Variants in NAV1 observed in about 807,000 individuals in gnomAD.
NAV1 encodes neuron navigator 1.
Under a neutral mutation model 175.2 loss-of-function variants are expected in NAV1, and 18 were observed. The ratio of observed to expected loss-of-function variants is 0.10; its 90% confidence interval spans 0.07 to 0.15. NAV1 has a LOEUF of 0.15. NAV1 is among the 10% of genes least tolerant of loss of function. The pLI, the probability that NAV1 is intolerant of heterozygous loss-of-function variation, is 1.00. For missense variants in NAV1, 1,731 were observed against 2,436.6 expected (o/e 0.71, Z 6.10); for synonymous variants, 897 against 978.7 (o/e 0.92, Z 1.56).
intron 1 of NAV1, among the ~76,000 whole-genome samples, chr1:201,695,623 C>T (rs143575267): frequency 0.013 from 1,983 of 152,296 alleles, 26 homozygotes; most frequent in Non-Finnish European, 0.015. Context: ...GGGACCAATC[C>T]GAAGGTGCCT....
intron 17 of NAV1, among the ~76,000 whole-genome samples, chr1:201,805,079 G>A (rs1039748435): frequency 2.0e-5 from 3 of 152,142 alleles, no homozygotes; most frequent in Non-Finnish European, 4.4e-5. Flanking sequence ...AGGGATGAGG[G>A]TTTGGTCTTA....
At chr1:201,657,301 A>G in intron 1 of NAV1, among the ~76,000 whole-genome samples, 1 of 152,134 alleles carries the variant, frequency 6.6e-6, no homozygotes, top group East Asian at 1.9e-4. Context: ...CCAGGAAAGC[A>G]CTCATTATTA....
At position 201,771,251 on chromosome 1, in the gene NAV1, A is replaced by AAC. The variant is rs1308684814; in HGVS notation, c.1227-9169_1227-9168insCA. On this transcript the variant is annotated intron_variant, in intron 3 of 29. Coordinates refer to ENST00000367296, the Ensembl canonical transcript of NAV1. Reference sequence around the variant, plus strand: ...GAGACTCCGTCTCAAAAAAAAAAAAAAAAACATCTGGTGATTTGGGAGGCT... The same window carrying AAC: ...GAGACTCCGTCTCAAAAAAAAAAAAAACAAAACATCTGGTGATTTGGGAGGCT... 2.7e-4 allele frequency among the ~76,000 whole-genome samples: 41 copies of AAC among 151,228 alleles called. 1 individual carries two copies. Among genetic ancestry groups the AAC allele is most frequent in the African/African-American group, 9.7e-4 (40 of 41,038 alleles).
intron 1 of NAV1, among the ~76,000 whole-genome samples, chr1:201,664,049 T>G (rs6662716): frequency 1.3e-5 from 2 of 152,112 alleles, no homozygotes; most frequent in African/African-American, 4.8e-5. Flanking sequence ...ATTACTCTAT[T>G]GGGTTCTGGG....
intron 28 of NAV1, 129 bp from the exon 33 acceptor site, chr1:201,816,959 C>A: frequency 1.3e-6 from 1 of 754,138 alleles, no homozygotes; most frequent in Non-Finnish European, 2.1e-6. Context: ...CAGGCATGAG[C>A]CACTGCGCCT....
chr1:201,627,279 C>T (rs965296623), intron 1 of NAV1, among the ~76,000 whole-genome samples: 30 of 146,302 alleles, frequency 2.1e-4, no homozygotes, highest in African/African-American at 6.8e-4. Context: ...TTTTCTTTTT[C>T]TTTTTTTTTT....
chr1:201,757,758 CAG>C (rs1219158278), intron 3 of NAV1, among the ~76,000 whole-genome samples: 32 of 152,334 alleles, frequency 2.1e-4, no homozygotes, highest in African/African-American at 7.5e-4. Context: ...TGTGGGGCAT[CAG>C]AGCACTGACG....
chr1:201,812,584 T>G lies in NAV1; in HGVS notation c.5144T>G (p.Val1715Gly). Residue 1715 changes from valine (V) to glycine (G), a missense_variant, in exon 27 of 30, where the codon GTG becomes GGG. By Grantham distance (109) the Val-to-Gly change is moderately radical. This residue lies in a region of NAV1 where 115 missense variants were observed against 269.4 expected (regional missense o/e 0.43). Transcript: ENST00000367296. The surrounding 1 kb of genome is among the most constrained non-coding windows in gnomAD (Gnocchi z 4.6). ...GCCAACAAGGAAGAGCTGCTTCGGG[T>G]GCTCGACTGGGTACCCAAGCTGTGG... 6.2e-7 allele frequency: 1 copy of G among 1,614,146 alleles called. No homozygotes were observed. Among genetic ancestry groups the G allele is most frequent in the Non-Finnish European group, 8.5e-7 (1 of 1,180,024 alleles).
At chr1:201,775,534 G>A (rs922719020) in intron 3 of NAV1, among the ~76,000 whole-genome samples, 1 of 152,098 alleles carries the variant, frequency 6.6e-6, no homozygotes, top group Non-Finnish European at 1.5e-5. Context: ...TTCCATATAA[G>A]CAAACAGCCA....
intron 3 of NAV1, among the ~76,000 whole-genome samples, chr1:201,726,902 C>T (rs1312250486): frequency 6.6e-6 from 1 of 152,176 alleles, no homozygotes; most frequent in Non-Finnish European, 1.5e-5. Context: ...GGCTTATCAA[C>T]ACAGGCATAC....
chr1:201,676,136 C>T (rs748031513), intron 1 of NAV1, among the ~76,000 whole-genome samples: 20 of 152,170 alleles, frequency 1.3e-4, no homozygotes, highest in Non-Finnish European at 2.4e-4. Flanking sequence ...TCCAGCCCCT[C>T]TTTCTGAGAT....
intron 2 of NAV1, among the ~76,000 whole-genome samples, chr1:201,599,318 A>G (rs1667454822): frequency 6.6e-6 from 1 of 152,208 alleles, no homozygotes; most frequent in African/African-American, 2.4e-5. Flanking sequence ...GGGAACAGAG[A>G]ACAAAGGCAT....
rs1032838652 is a variant in NAV1, at chr1:201,787,724, G to T, written c.2996-744G>T. The T allele has an allele frequency of 6.6e-6, 3 of 456,002 alleles. No individual in the cohort carries two copies. The highest frequency in any genetic ancestry group is 4.0e-5 in the African/African-American group (2 of 50,046). The allele number at this position is 456,002 out of a possible 1,614,324, so 28.2% of individuals were successfully genotyped here. On this transcript the variant is annotated intron_variant, in intron 9 of 29. Transcript: ENST00000367296. This position sits in a 1 kb window ranked among gnomAD's most constrained non-coding sequence, Gnocchi z 4.3. ...AGAATAGACAAGGGAGCTCCTTGTG[G>T]GTATGAAACCCTGAAAGGCTGTAAT...
At chr1:201,575,922 A>G (rs911557741) in intron 1 of NAV1, among the ~76,000 whole-genome samples, 8 of 152,214 alleles carry the variant, frequency 5.3e-5, no homozygotes, top group South Asian at 4.1e-4. Flanking sequence ...GCTTTCCACA[A>G]TTGTTGACTT....
At chr1:201,710,838 G>A (rs1432708196) in intron 1 of NAV1, among the ~76,000 whole-genome samples, 1 of 152,094 alleles carries the variant, frequency 6.6e-6, no homozygotes, top group Non-Finnish European at 1.5e-5. Context: ...AAAGGGTCTG[G>A]CACACACAGA....
exon 1 of NAV1, chr1:201,648,260 C>G (rs1391083159): frequency 3.9e-6 from 4 of 1,014,900 alleles, no homozygotes; most frequent in Non-Finnish European, 3.5e-6. Flanking sequence ...ACGGGACTGA[C>G]AGGCAGGCAG....
At chr1:201,583,007 A>C (rs1265403553) in intron 1 of NAV1, among the ~76,000 whole-genome samples, 1 of 152,250 alleles carries the variant, frequency 6.6e-6, no homozygotes, top group Non-Finnish European at 1.5e-5. Context: ...GCTACTGTGT[A>C]TACGGGATCC....
At chr1:201,710,725 A>C (rs536663120) in intron 1 of NAV1, among the ~76,000 whole-genome samples, 4 of 152,332 alleles carry the variant, frequency 2.6e-5, no homozygotes, top group Non-Finnish European at 5.9e-5. Context: ...GACCTTGGGC[A>C]GTTTACTTGT....
intron 1 of NAV1, among the ~76,000 whole-genome samples, chr1:201,655,710 T>C (rs28580613): frequency 0.21 from 31,991 of 152,188 alleles, 4,131 homozygotes; most frequent in Admixed American, 0.37. Flanking sequence ...TGATCTCCCA[T>C]CTGGAGGCTG....
Sources: allele counts gnomAD v4.1 joint callset (sites outside exome capture counted in the v4.1 genomes callset), GRCh38; gene constraint gnomAD v4.1.1; regional missense constraint gnomAD v4.1.1; non-coding constraint Gnocchi (gnomAD v3.1); transcripts MANE v1.5; gene names NCBI Gene and HGNC (gene_info 2026-07-23, HGNC 2026-07-21).